Variants in SAMTOR observed in about 807,000 individuals in gnomAD.
SAMTOR encodes the protein S-adenosylmethionine sensor upstream of mTORC1, also known as UPF0532 protein C7orf60.
chr7:112,856,248 T>A, the SAMTOR span, among the ~76,000 whole-genome samples: 2 of 151,576 alleles, frequency 1.3e-5, no homozygotes, highest in Admixed American at 1.3e-4. Flanking sequence ...TATTTACTTT[T>A]TTTTTCTTTT....
chr7:112,869,687 A>T, the SAMTOR span, among the ~76,000 whole-genome samples: 1 of 152,200 alleles, frequency 6.6e-6, no homozygotes, highest in Non-Finnish European at 1.5e-5. Context: ...ATCACCTCCA[A>T]AGGATCACAT....
chr7:112,851,209 A>G, the SAMTOR span, among the ~76,000 whole-genome samples: 1 of 152,198 alleles, frequency 6.6e-6, no homozygotes, highest in East Asian at 1.9e-4. Context: ...TCTAAAATTC[A>G]TATGGAACCC....
chr7:112,910,153 C>A, the SAMTOR span, among the ~76,000 whole-genome samples: 1 of 151,510 alleles, frequency 6.6e-6, no homozygotes, highest in Non-Finnish European at 1.5e-5. Context: ...TTTGAACACC[C>A]CACCCCCCAA....
chr7:112,872,775 G>T, the SAMTOR span, among the ~76,000 whole-genome samples: 11 of 149,616 alleles, frequency 7.4e-5, no homozygotes, highest in Non-Finnish European at 1.6e-4. Context: ...GAAGTTTCAG[G>T]ATACAAAATC....
the SAMTOR span, among the ~76,000 whole-genome samples, chr7:112,898,613 C>T: frequency 2.6e-5 from 4 of 152,136 alleles, no homozygotes; most frequent in Non-Finnish European, 5.9e-5. Flanking sequence ...TCATTACCTG[C>T]TGACTAAAGT....
the SAMTOR span, among the ~76,000 whole-genome samples, chr7:112,921,833 A>G: frequency 2.1e-5 from 3 of 142,834 alleles, no homozygotes; most frequent in Non-Finnish European, 4.6e-5. Flanking sequence ...AAAACACATG[A>G]AAAAATGCTC....
At chr7:112,905,911 A>G in the SAMTOR span, among the ~76,000 whole-genome samples, 1 of 152,166 alleles carries the variant, frequency 6.6e-6, no homozygotes, top group African/African-American at 2.4e-5. Flanking sequence ...TCAAATGAAT[A>G]AGAGAGGAAG....
At chr7:112,848,705 G>C in the SAMTOR span, among the ~76,000 whole-genome samples, 1 of 152,156 alleles carries the variant, frequency 6.6e-6, no homozygotes, top group Non-Finnish European at 1.5e-5. Context: ...TTTCCAATCA[G>C]GTATGGACTT....
At chr7:112,868,468 C>T in the SAMTOR span, among the ~76,000 whole-genome samples, 2 of 152,160 alleles carry the variant, frequency 1.3e-5, no homozygotes, top group African/African-American at 4.8e-5. Flanking sequence ...GTGTGTCTCA[C>T]TTTTCTGCTA....
the SAMTOR span, among the ~76,000 whole-genome samples, chr7:112,893,806 G>A: frequency 6.6e-6 from 1 of 152,220 alleles, no homozygotes; most frequent in Admixed American, 6.5e-5. Context: ...GGAGGCTGAG[G>A]CAGGAGAATG....
the SAMTOR span, among the ~76,000 whole-genome samples, chr7:112,852,137 TAA>T: frequency 6.6e-6 from 1 of 152,052 alleles, no homozygotes; most frequent in Non-Finnish European, 1.5e-5. Context: ...AAATTATATA[TAA>T]AGACACCTGC....
At chr7:112,840,603 T>C in the SAMTOR span, among the ~76,000 whole-genome samples, 1 of 152,038 alleles carries the variant, frequency 6.6e-6, no homozygotes, top group East Asian at 1.9e-4. Context: ...AAGATAATAA[T>C]GTTATCTGGA....
chr7:112,935,140 C>G, the SAMTOR span: 1 of 367,744 alleles, frequency 2.7e-6, no homozygotes, highest in Non-Finnish European at 5.2e-6. Flanking sequence ...GATTCTATAT[C>G]AGAATAAGTA....
chr7:112,931,303 A>G, the SAMTOR span, among the ~76,000 whole-genome samples: 1 of 151,554 alleles, frequency 6.6e-6, no homozygotes, highest in Non-Finnish European at 1.5e-5. Context: ...CAATTTAATT[A>G]ACAAAAAAAA....
At chr7:112,919,752 A>T in the SAMTOR span, among the ~76,000 whole-genome samples, 1 of 151,658 alleles carries the variant, frequency 6.6e-6, no homozygotes, top group Non-Finnish European at 1.5e-5. Context: ...CGCAATAAAA[A>T]ATGATAAAGG....
the SAMTOR span, among the ~76,000 whole-genome samples, chr7:112,917,903 G>T: frequency 6.6e-6 from 1 of 152,100 alleles, no homozygotes; most frequent in South Asian, 2.1e-4. Flanking sequence ...AGAGAAAAAA[G>T]AATAAAAAGA....
chr7:112,820,283 A>G, the SAMTOR span: 1 of 152,516 alleles, frequency 6.6e-6, no homozygotes, highest in African/African-American at 2.4e-5. Flanking sequence ...GCAATTCACA[A>G]TAAGCACAAA....
the SAMTOR span, chr7:112,895,468 T>C: frequency 1.3e-6 from 1 of 769,156 alleles, no homozygotes; most frequent in East Asian, 2.8e-5. Context: ...ATGTAACTAC[T>C]GGAGGAGCAA....
chr7:112,875,579 C>A, the SAMTOR span, among the ~76,000 whole-genome samples: 2 of 152,114 alleles, frequency 1.3e-5, no homozygotes, highest in Non-Finnish European at 2.9e-5. Flanking sequence ...TTAGGTAGAA[C>A]TGATCTGAAT....
Sources: gnomAD v4.1 joint callset for allele counts (sites outside exome capture counted in the v4.1 genomes callset) on GRCh38, gnomAD v4.1.1 for gene constraint, MANE v1.5 for transcripts, NCBI Gene and HGNC (gene_info 2026-07-23, HGNC 2026-07-21) for gene names.